Variants in TNK2 observed in about 807,000 individuals in gnomAD.
TNK2 encodes the protein activated CDC42 kinase 1.
In TNK2, 83 loss-of-function variants were observed where a neutral mutation model predicts 101.8. The observed-to-expected ratio is 0.82, with a 90% CI of 0.68 to 0.98. The LOEUF is 0.98. TNK2 is among the 50% of genes least tolerant of loss of function. The pLI, the probability that TNK2 is intolerant of heterozygous loss-of-function variation, is 0.00. For synonymous variants in TNK2, 804 were observed against 633.0 expected, an observed-to-expected ratio of 1.27 and a Z score of -4.06; for missense variants, 1,665 against 1,483.2, an observed-to-expected ratio of 1.12 and a Z score of -2.01.
At chr3:195,889,454 ACCCGGCTC>A (rs1163930554) in intron 1 of TNK2, among the ~76,000 whole-genome samples, 1 of 152,164 alleles carries the variant, frequency 6.6e-6, no homozygotes, top group East Asian at 1.9e-4. Flanking sequence ...CTGCACAGCC[ACCCGGCTC>A]CCCAGGAGTT....
At chr3:195,904,041 C>T (rs1461688814) in intron 1 of TNK2, among the ~76,000 whole-genome samples, 3 of 151,938 alleles carry the variant, frequency 2.0e-5, no homozygotes, top group South Asian at 4.2e-4. Flanking sequence ...CCGCTTGAGG[C>T]CAGGAGTTGG....
intron 1 of TNK2, chr3:195,892,484 G>T (rs747231098): frequency 6.5e-7 from 1 of 1,535,590 alleles, no homozygotes; most frequent in South Asian, 1.2e-5. Context: ...ACGTGCTGCC[G>T]GCATCTCCAC....
chr3:195,882,636 T>C lies in TNK2; in HGVS notation c.610-308A>G, dbSNP rs1433880201. ...ACTTTGGGAGGCCGAGGTGGGTGGATCATTTGAGGTCAGGAGTTTGAGACC... is the reference window on the plus strand; with the variant it reads ...ACTTTGGGAGGCCGAGGTGGGTGGACCATTTGAGGTCAGGAGTTTGAGACC... On this transcript the variant is annotated intron_variant, in intron 5 of 15. Transcript: ENST00000672887. The surrounding 1 kb of genome is among the most constrained non-coding windows in gnomAD (Gnocchi z 4.2). 2 of 873,128 alleles carry C rather than the reference T, an allele frequency of 2.3e-6. No individual in the cohort carries two copies. Among genetic ancestry groups the C allele is most frequent in the Non-Finnish European group, 3.4e-6 (2 of 594,274 alleles). 54.1% of individuals were successfully genotyped at this position (873,128 alleles called of 1,614,324 possible).
chr3:195,877,885 T>C (rs148561701), intron 9 of TNK2, among the ~76,000 whole-genome samples: 77 of 152,078 alleles, frequency 5.1e-4, no homozygotes, highest in Middle Eastern at 3.4e-3. Context: ...GGTGGATGGC[T>C]GAGTCCCTGT....
rs989533526 is a variant in TNK2 at position 195,867,496 on chromosome 3, G to C, written c.2802C>G (p.Pro934=). 4.5e-6 allele frequency: 7 copies of C among 1,569,990 alleles called. No homozygotes were observed. In the African/African-American group the frequency reaches 9.5e-5, roughly 21 times the overall value. The change falls in exon 13 of 16, where the codon CCC becomes CCG. Residue 934 remains proline (P), a synonymous_variant. Transcript: ENST00000672887. ...TGTTGTTGGTGGAGAAGTTGGCCTT[G>C]GGGTCCAAGGCAGCCTGGGGCATCG... is the stretch of plus-strand genomic sequence containing the variant. The part of the protein sequence containing the change: ...VRPMPQAALD[P]KANFSTNNSN...
In TNK2 at chr3:195,889,023, C is replaced by T. The variant is rs376735902; in HGVS notation, c.-18-417G>A. Reference sequence around the variant, plus strand: ...ATATTTGATAAAAATCTCTAGGGTGCAATGTGCCCCGAGACCCATCTATGG... The same window carrying T: ...ATATTTGATAAAAATCTCTAGGGTGTAATGTGCCCCGAGACCCATCTATGG... On this transcript the variant is annotated intron_variant, in intron 1 of 15. Coordinates refer to ENST00000672887, the MANE Select transcript of TNK2 (RefSeq NM_001382273.1). 1.9e-3 allele frequency among the ~76,000 whole-genome samples: 292 copies of T among 152,244 alleles called. 1 individual carries two copies. Among genetic ancestry groups the T allele is most frequent in the African/African-American group, 6.8e-3 (281 of 41,538 alleles).
rs751516579 is a variant in TNK2, at chr3:195,884,940, C to T, written c.328G>A (p.Gly110Arg). The T allele has an allele frequency of 6.8e-6, 11 of 1,614,018 alleles. No individual in the cohort carries two copies. The highest frequency in any genetic ancestry group is 5.0e-5 in the Admixed American group (3 of 60,020). ...GTGAGGCTCTGCAGGGGCCCCTCCC[C>T]TGCTGGGCCCCCAGGGGCGGGCGAG... ...KTSPAPGGPA[G>R]EGPLQSLTCL... Residue 110 changes from glycine to arginine, a missense_variant, in exon 4 of 16, where the codon GGG becomes AGG. This residue lies in a region of TNK2 where 490 missense variants were observed against 522.5 expected (regional missense o/e 0.94). Transcript: ENST00000672887.
In TNK2 at chr3:195,868,750, C is replaced by T. The variant is rs971893943; in HGVS notation, c.1589-41G>A. 6 of 1,515,348 alleles carry T rather than the reference C, an allele frequency of 4.0e-6. No homozygotes were observed. The African/African-American group carries it at 8.6e-5, about 22-fold the overall frequency. The allele number at this position is 1,515,348 out of a possible 1,614,324, so 93.9% of individuals were successfully genotyped here. Reference sequence around the variant, plus strand: ...AGAGCCCAACAGGAAGGCAGTCAGGCAGGGTCTGGGACACGAGGGGAGGTG... The same window carrying T: ...AGAGCCCAACAGGAAGGCAGTCAGGTAGGGTCTGGGACACGAGGGGAGGTG... On this transcript the variant is annotated intron_variant, in intron 12 of 15. Transcript: ENST00000672887.
At chr3:195,865,087 A>G (rs112972972) in intron 15 of TNK2, among the ~76,000 whole-genome samples, 5,890 of 109,898 alleles carry the variant, frequency 0.054, no homozygotes, top group Non-Finnish European at 0.071. Context: ...CCTGCGTCCC[A>G]GGTGCAAATC....
At chr3:195,873,965 G>A (rs989681983) in intron 9 of TNK2, among the ~76,000 whole-genome samples, 1 of 152,126 alleles carries the variant, frequency 6.6e-6, no homozygotes. Flanking sequence ...AAGGAGAGAG[G>A]ACAGTACCCC....
Position 195,868,211 on chromosome 3 carries a change from G to C in TNK2, c.2087C>G (p.Pro696Arg). The C allele has an allele frequency of 6.2e-7, 1 of 1,607,478 alleles. No homozygotes were observed. Among genetic ancestry groups the C allele is most frequent in the Non-Finnish European group, 8.5e-7 (1 of 1,178,892 alleles). The change falls in exon 13 of 16, where the codon CCT (proline) becomes CGT (arginine). Residue 696 changes from proline (P) to arginine (R), a missense_variant. Around this residue, in one of 3 missense-constraint regions of TNK2, gnomAD observed 1,136 missense variants for 894.9 expected, o/e 1.27. Coordinates refer to ENST00000672887, the MANE Select transcript of TNK2 (RefSeq NM_001382273.1). ...AFVPEQARPP[P>R]PLEDNLFLPP... Reference sequence around the variant, plus strand: ...GAGGAACAGGTTGTCCTCCAGGGGAGGGGGCGGCCGCGCCTGCTCAGGCAC... The same window carrying C: ...GAGGAACAGGTTGTCCTCCAGGGGACGGGGCGGCCGCGCCTGCTCAGGCAC...
At chr3:195,897,171 C>T (rs1760677422) in intron 1 of TNK2, among the ~76,000 whole-genome samples, 1 of 152,270 alleles carries the variant, frequency 6.6e-6, no homozygotes, top group Non-Finnish European at 1.5e-5. Context: ...ACTCACCCCT[C>T]TGTGCGCAGA....
chr3:195,905,346 C>A (rs1042631533), intron 1 of TNK2, among the ~76,000 whole-genome samples: 1 of 152,026 alleles, frequency 6.6e-6, no homozygotes, highest in African/African-American at 2.4e-5. Context: ...ATTACAGGTG[C>A]CCGCCACCAC....
Position 195,879,049 on chromosome 3 carries a change from C to T in TNK2, c.1014G>A (p.Gln338=), listed in dbSNP as rs375031420. ...TGGGGGCCCGTCTCCCAGCCCTCAC[C>T]TGACTGCCGTTGAGGCCGATCCAGG... ...QEPWIGLNGS[Q]ILHKIDKEGE... is the part of the protein sequence containing the mutation. Residue 338 remains glutamine (Q), a splice_region_variant and synonymous_variant, in exon 7 of 16, where the codon CAG becomes CAA. Transcript: ENST00000672887. 12 of 1,613,214 alleles carry T rather than the reference C, an allele frequency of 7.4e-6. No individual in the cohort carries two copies. The highest frequency in any genetic ancestry group is 1.7e-5 in the Admixed American group (1 of 59,992).
rs774086421 is a variant in TNK2 at position 195,878,452 on chromosome 3, C to T, written c.1155G>A (p.Leu385=). Reference sequence around the variant, plus strand: ...GGGCTGACCTGTCCCTCACCTCCAGCAGGAAGTCCCGCAGGGCCACAAACG... The same window carrying T: ...GGGCTGACCTGTCCCTCACCTCCAGTAGGAAGTCCCGCAGGGCCACAAACG... ...RPTFVALRDF[L]LEAQPTDMRA... The change falls in exon 8 of 16, where the codon CTG becomes CTA. Residue 385 remains leucine (L), a synonymous_variant. Transcript: ENST00000672887. This position sits in a 1 kb window ranked among gnomAD's most constrained non-coding sequence, Gnocchi z 4.7. The T allele has an allele frequency of 1.5e-5, 25 of 1,614,006 alleles. No individual in the cohort carries two copies. The highest frequency in any genetic ancestry group is 2.1e-5 in the Non-Finnish European group (25 of 1,180,024).
intron 4 of TNK2, 44 bp downstream of exon 4, chr3:195,884,768 G>T: frequency 1.3e-6 from 2 of 1,546,432 alleles, no homozygotes; most frequent in Non-Finnish European, 1.8e-6. Flanking sequence ...TACCAGCCCC[G>T]GGTCCCATGC....
chr3:195,895,159 C>T, intron 1 of TNK2: 1 of 1,311,272 alleles, frequency 7.6e-7, no homozygotes, highest in Non-Finnish European at 1.0e-6. Context: ...CTGAGGCCGC[C>T]GCAGGGGGCA....
In TNK2 at chr3:195,882,554, G is replaced by A. The variant is rs754303003; in HGVS notation, c.610-226C>T. 3.9e-6 allele frequency: 6 copies of A among 1,522,694 alleles called. No individual in the cohort carries two copies. The South Asian group carries it at 7.2e-5, about 18-fold the overall frequency. The allele number at this position is 1,522,694 out of a possible 1,614,324, so 94.3% of individuals were successfully genotyped here. ...TAGAGAGAAGGAGCCCAAAGAGGCA[G>A]TGGCTAGAAATTCCAAAACTCAGCT... On this transcript the variant is annotated intron_variant, in intron 5 of 15. Transcript: ENST00000672887. This position sits in a 1 kb window ranked among gnomAD's most constrained non-coding sequence, Gnocchi z 4.2.
At chr3:195,881,864 C>T (rs1753283048) in intron 6 of TNK2, among the ~76,000 whole-genome samples, 187 bp downstream of exon 6, 1 of 152,130 alleles carries the variant, frequency 6.6e-6, no homozygotes, top group African/African-American at 2.4e-5. Flanking sequence ...CAGACCCTGG[C>T]ACGTGGGCCC....
Sources: allele counts gnomAD v4.1 joint callset (sites outside exome capture counted in the v4.1 genomes callset), GRCh38; gene constraint gnomAD v4.1.1; regional missense constraint gnomAD v4.1.1; non-coding constraint Gnocchi (gnomAD v3.1); transcripts MANE v1.5; gene names NCBI Gene and HGNC (gene_info 2026-07-23, HGNC 2026-07-21).